PCDH9: variants seen among roughly 807,000 people sequenced by gnomAD.
The protein encoded by PCDH9 is protocadherin 9.
A neutral mutation model predicts 70.6 loss-of-function variants in PCDH9; 24 were observed. The observed-to-expected ratio is 0.34, with a 90% confidence interval of 0.25 to 0.48. The LOEUF (loss-of-function observed/expected upper bound fraction) is 0.48, where lower values mean the gene tolerates loss of function less well. Among genes scored for constraint, PCDH9 ranks in the 20% least tolerant of loss-of-function variants. PCDH9 has a pLI of 0.99. For missense variants in PCDH9, 1,281 were observed against 1,503.6 expected (o/e 0.85, Z 2.45); for synonymous variants, 562 against 558.5 (o/e 1.01, Z -0.09).
intron 2 of PCDH9, among the ~76,000 whole-genome samples, chr13:67,171,559 C>A (rs537328716): frequency 6.6e-6 from 1 of 152,214 alleles, no homozygotes; most frequent in Non-Finnish European, 1.5e-5. Flanking sequence ...TAGACTCAGG[C>A]AAAATTGTGA....
intron 2 of PCDH9, chr13:67,217,723 T>C (rs1472023910): frequency 1.3e-5 from 2 of 152,108 alleles, no homozygotes; most frequent in Non-Finnish European, 2.9e-5. Context: ...CTCTTCATTA[T>C]GGTAATGCTA....
intron 3 of PCDH9, among the ~76,000 whole-genome samples, chr13:66,649,509 C>T (rs2077820073): frequency 6.6e-6 from 1 of 151,856 alleles, no homozygotes; most frequent in African/African-American, 2.4e-5. Flanking sequence ...CCCAGAAAAA[C>T]AAAAGCTAAG....
intron 2 of PCDH9, among the ~76,000 whole-genome samples, chr13:67,065,772 A>G (rs2085635002): frequency 6.6e-6 from 1 of 152,222 alleles, no homozygotes; most frequent in Admixed American, 6.5e-5. Context: ...TTCACTTGAA[A>G]TGAAAAATAA....
chr13:66,608,045 T>C (rs2077243447), intron 4 of PCDH9, among the ~76,000 whole-genome samples: 1 of 152,018 alleles, frequency 6.6e-6, no homozygotes, highest in African/African-American at 2.4e-5. Context: ...AATTAATCAA[T>C]GAATGAATAA....
chr13:66,622,355 G>A (rs1299193354), intron 4 of PCDH9, among the ~76,000 whole-genome samples: 1 of 152,220 alleles, frequency 6.6e-6, no homozygotes, highest in African/African-American at 2.4e-5. Flanking sequence ...GGGACTGGCA[G>A]GCAGCTCCAC....
intron 2 of PCDH9, among the ~76,000 whole-genome samples, chr13:66,908,403 T>G (rs2082400332): frequency 6.6e-6 from 1 of 152,180 alleles, no homozygotes; most frequent in African/African-American, 2.4e-5. Flanking sequence ...TAAAACTGAG[T>G]ACTTCCTCAG....
intron 2 of PCDH9, among the ~76,000 whole-genome samples, chr13:66,965,733 C>T (rs1350830290): frequency 1.3e-5 from 2 of 151,804 alleles, no homozygotes; most frequent in Non-Finnish European, 2.9e-5. Context: ...ACTCATTATG[C>T]CTTAATAACA....
At chr13:66,342,153 A>G (rs1206111034) in intron 4 of PCDH9, among the ~76,000 whole-genome samples, 1 of 152,208 alleles carries the variant, frequency 6.6e-6, no homozygotes, top group Non-Finnish European at 1.5e-5. Context: ...ATCTGAACAT[A>G]TAATTTTAAA....
intron 2 of PCDH9, among the ~76,000 whole-genome samples, chr13:66,945,896 A>T (rs1379994146): frequency 6.6e-6 from 1 of 152,162 alleles, no homozygotes; most frequent in Non-Finnish European, 1.5e-5. Context: ...GAGATATCTG[A>T]ATTACAGTTT....
chr13:66,769,906 C>G (rs2079779126), intron 3 of PCDH9, among the ~76,000 whole-genome samples: 1 of 151,828 alleles, frequency 6.6e-6, no homozygotes, highest in East Asian at 1.9e-4. Flanking sequence ...AGGGGCTCAG[C>G]AGGGGCAAGG....
chr13:66,861,934 C>T (rs1225426047), intron 3 of PCDH9, among the ~76,000 whole-genome samples: 2 of 152,130 alleles, frequency 1.3e-5, no homozygotes, highest in African/African-American at 2.4e-5. Flanking sequence ...TTTTTATCTC[C>T]TCTCTTTTCT....
At chr13:67,044,279 A>G (rs1391864235) in intron 2 of PCDH9, among the ~76,000 whole-genome samples, 1 of 152,170 alleles carries the variant, frequency 6.6e-6, no homozygotes, top group East Asian at 1.9e-4. Context: ...TTTAAAAAAT[A>G]CTCTTTGCTT....
Position 66,960,799 on chromosome 13 carries a change from A to C in PCDH9, c.3037-57194T>G, listed in dbSNP as rs188720618. 6.6e-5 allele frequency among the ~76,000 whole-genome samples: 10 copies of C among 152,270 alleles called. No individual in the cohort carries two copies. In the East Asian group the frequency reaches 1.9e-3, roughly 29 times the overall value. ...CACTAACACAACTCATGTTAGTAAC[A>C]CTCAATCAGCTTACTAAAGTGTAAA... On this transcript the variant is annotated intron_variant, in intron 2 of 4. Transcript: ENST00000377865.
intron 4 of PCDH9, among the ~76,000 whole-genome samples, chr13:66,427,225 G>A (rs772330558): frequency 7.9e-5 from 12 of 151,462 alleles, no homozygotes; most frequent in Non-Finnish European, 1.2e-4. Flanking sequence ...TGCTAAATAC[G>A]TCTGATTACA....
At chr13:66,852,799 C>T (rs2081335619) in intron 3 of PCDH9, among the ~76,000 whole-genome samples, 1 of 149,858 alleles carries the variant, frequency 6.7e-6, no homozygotes, top group South Asian at 2.1e-4. Context: ...ATCTCTATGC[C>T]AAATACCTGG....
intron 3 of PCDH9, among the ~76,000 whole-genome samples, chr13:66,895,180 C>T (rs190014274): frequency 7.7e-4 from 117 of 152,196 alleles, no homozygotes; most frequent in African/African-American, 2.5e-3. Flanking sequence ...TTTTATAATA[C>T]GAACTGTTTA....
intron 2 of PCDH9, among the ~76,000 whole-genome samples, chr13:67,171,591 T>G (rs1025481803): frequency 6.6e-6 from 1 of 152,238 alleles, no homozygotes; most frequent in Admixed American, 6.5e-5. Flanking sequence ...TATCTCTGGT[T>G]ATGTTATACC....
chr13:66,447,149 T>C (rs1566332530), intron 4 of PCDH9, among the ~76,000 whole-genome samples: 2 of 152,050 alleles, frequency 1.3e-5, no homozygotes, highest in African/African-American at 2.4e-5. Context: ...ATTTAGTAAA[T>C]TTTATGAAAT....
At chr13:66,371,518 A>G (rs1956652415) in intron 4 of PCDH9, among the ~76,000 whole-genome samples, 1 of 152,098 alleles carries the variant, frequency 6.6e-6, no homozygotes, top group African/African-American at 2.4e-5. Flanking sequence ...GTATTGAGGT[A>G]TATTTTATAA....
Sources: allele counts gnomAD v4.1 joint callset (sites outside exome capture counted in the v4.1 genomes callset), GRCh38; gene constraint gnomAD v4.1.1; transcripts MANE v1.5; gene names NCBI Gene and HGNC (gene_info 2026-07-23, HGNC 2026-07-21).